GRIN2B: variants seen among roughly 807,000 people sequenced by gnomAD.
The protein encoded by GRIN2B is glutamate ionotropic receptor NMDA type subunit 2B, also known as glutamate receptor ionotropic, NMDA 2B.
GRIN2B carries 5 observed loss-of-function variants against 114.5 expected under a neutral mutation model. The observed-to-expected ratio is 0.04, with a 90% CI of 0.02 to 0.09. The LOEUF (loss-of-function observed/expected upper bound fraction) is 0.09. Among genes scored for constraint, GRIN2B ranks in the 10% least tolerant of loss-of-function variants. GRIN2B has a pLI of 1.00. For missense variants in GRIN2B, 1,108 were observed against 1,943.5 expected, an observed-to-expected ratio of 0.57 and a Z score of 8.08; for synonymous variants, 787 against 745.1, an observed-to-expected ratio of 1.06 and a Z score of -0.92.
At chr12:13,829,628 A>G (rs1865111783) in intron 3 of GRIN2B, among the ~76,000 whole-genome samples, 1 of 152,202 alleles carries the variant, frequency 6.6e-6, no homozygotes, top group Admixed American at 6.5e-5. Flanking sequence ...TTTGAGATTT[A>G]TCTTTATCCA....
intron 3 of GRIN2B, among the ~76,000 whole-genome samples, chr12:13,842,668 G>A (rs77995264): frequency 7.9e-5 from 12 of 152,296 alleles, no homozygotes; most frequent in Non-Finnish European, 1.6e-4. Context: ...ATAATTTGAT[G>A]AAATTATCAA....
In GRIN2B at chr12:13,561,615, A is replaced by G. The variant is rs1362688390; in HGVS notation, c.*1168T>C. 1 of 152,560 alleles carries G rather than the reference A, an allele frequency of 6.6e-6. No homozygotes were observed. Among genetic ancestry groups the G allele is most frequent in the African/African-American group, 2.4e-5 (1 of 41,418 alleles). The allele number at this position is 152,560 out of a possible 1,614,324, so 9.5% of individuals were successfully genotyped here. ...TCAAAGGTGGCTTCGTTCTTCCCCA[A>G]ACCTTGGCCAGTCGAGAGTCTAAAT... On this transcript the variant is annotated 3_prime_UTR_variant, in exon 14 of 14. Transcript: ENST00000609686.
intron 2 of GRIN2B, among the ~76,000 whole-genome samples, chr12:13,879,818 C>G (rs906488541): frequency 6.6e-6 from 1 of 152,242 alleles, no homozygotes; most frequent in East Asian, 1.9e-4. Flanking sequence ...GCAGGCCAGG[C>G]CAGAATCCAT....
At chr12:13,960,129 C>G (rs924881068) in intron 2 of GRIN2B, among the ~76,000 whole-genome samples, 2 of 152,104 alleles carry the variant, frequency 1.3e-5, no homozygotes, top group African/African-American at 4.8e-5. Context: ...CCCTGCTCCC[C>G]ACTCATGACA....
rs1491182910 is a variant in GRIN2B at position 13,808,752 on chromosome 12, A to ATAT, written c.412-54838_412-54837insATA. The stretch of plus-strand genomic sequence containing the variant: ...AGAACTTAAAGTATAATAAAAAAAA[A>ATAT]ATATATATATATATATATACATATA... On this transcript the variant is annotated intron_variant, in intron 3 of 13. Coordinates refer to ENST00000609686, the MANE Select transcript of GRIN2B (RefSeq NM_000834.5). Among the ~76,000 whole-genome samples the ATAT allele has an allele frequency of 5.9e-4, 65 of 109,898 alleles. 1 individual carries two copies. Among genetic ancestry groups the ATAT allele is most frequent in the African/African-American group, 1.6e-3 (53 of 34,040 alleles). 72.1% of individuals were successfully genotyped at this position (109,898 alleles called of 152,430 possible).
rs372655612 is a variant in GRIN2B at position 13,763,120 on chromosome 12, TA to T, written c.412-9206del. Among the ~76,000 whole-genome samples the T allele has an allele frequency of 4.5e-3, 653 of 144,584 alleles. 1 individual carries two copies. Among genetic ancestry groups the T allele is most frequent in the African/African-American group, 8.9e-3 (354 of 39,606 alleles). The allele number at this position is 144,584 out of a possible 152,430, so 94.9% of individuals were successfully genotyped here. On this transcript the variant is annotated intron_variant, in intron 3 of 13. Transcript: ENST00000609686. Reference sequence around the variant, plus strand: ...AAAATAAAATTGCACAGAGACAGATTAAAAAAAAAAAAATCTTCCAACAACT... The same window carrying T: ...AAAATAAAATTGCACAGAGACAGATTAAAAAAAAAAAATCTTCCAACAACT...
intron 4 of GRIN2B, among the ~76,000 whole-genome samples, chr12:13,680,706 T>G (rs1950122474): frequency 1.3e-5 from 2 of 152,176 alleles, no homozygotes; most frequent in South Asian, 4.1e-4. Context: ...GGACTGGAGC[T>G]TAAGTCTTCT....
chr12:13,833,049 G>C (rs181035120), intron 3 of GRIN2B, among the ~76,000 whole-genome samples: 2 of 152,316 alleles, frequency 1.3e-5, no homozygotes, highest in East Asian at 3.9e-4. Context: ...CTGTATACTG[G>C]ATGATATACA....
chr12:13,659,338 C>G (rs1191277342), intron 5 of GRIN2B, among the ~76,000 whole-genome samples: 1 of 152,170 alleles, frequency 6.6e-6, no homozygotes, highest in Non-Finnish European at 1.5e-5. Flanking sequence ...TCCACCTCTG[C>G]CATCACTCTC....
At position 13,559,659 on chromosome 12, in the gene GRIN2B, A is replaced by T. The variant is rs1466027049; in HGVS notation, c.*3124T>A. ...ATCATCTTTTCTAGAAAAGCATGCAAATTTGTAAGACACATATCCAGCACT... is the reference window on the plus strand; with the variant it reads ...ATCATCTTTTCTAGAAAAGCATGCATATTTGTAAGACACATATCCAGCACT... On this transcript the variant is annotated 3_prime_UTR_variant, in exon 14 of 14. Transcript: ENST00000609686. 1 of 152,198 alleles carries T rather than the reference A, an allele frequency of 6.6e-6. No homozygotes were observed. The highest frequency in any genetic ancestry group is 1.5e-5 in the Non-Finnish European group (1 of 68,042). 9.4% of individuals were successfully genotyped at this position (152,198 alleles called of 1,614,324 possible).
chr12:13,695,881 G>C (rs1053456729), intron 4 of GRIN2B, among the ~76,000 whole-genome samples: 2 of 152,154 alleles, frequency 1.3e-5, no homozygotes, highest in Admixed American at 6.5e-5. Context: ...ATTGCATGCT[G>C]GAGAATAATC....
In GRIN2B at chr12:13,866,056, C is replaced by T. The variant is rs1057522391; in HGVS notation, c.153G>A (p.Lys51=). The change falls in exon 3 of 14, where the codon AAG becomes AAA. Residue 51 remains lysine, a synonymous_variant. Transcript: ENST00000609686. ...GGAAATCATCTTTCTCGTGGGCATC[C>T]TTGATGGCCACCTCGTCGGAAGTGC... ...LVGTSDEVAI[K]DAHEKDDFHH... 22 of 1,613,936 alleles carry T rather than the reference C, an allele frequency of 1.4e-5. No homozygotes were observed. Among genetic ancestry groups the T allele is most frequent in the East Asian group, 2.2e-5 (1 of 44,860 alleles).
intron 3 of GRIN2B, among the ~76,000 whole-genome samples, chr12:13,793,488 C>T (rs1213229476): frequency 6.6e-6 from 1 of 152,070 alleles, no homozygotes; most frequent in Non-Finnish European, 1.5e-5. Context: ...ATGTGCTTAT[C>T]CTCTAACCAA....
chr12:13,718,221 A>G (rs528276980), intron 4 of GRIN2B, among the ~76,000 whole-genome samples: 1 of 152,156 alleles, frequency 6.6e-6, no homozygotes, highest in South Asian at 2.1e-4. Context: ...CTCCAGAAGA[A>G]CATGTGAGTT....
intron 5 of GRIN2B, among the ~76,000 whole-genome samples, chr12:13,645,935 A>C (rs933211238): frequency 1.3e-5 from 2 of 152,148 alleles, no homozygotes; most frequent in African/African-American, 4.8e-5. Flanking sequence ...AGTAAAGAGA[A>C]AGAGGTAAAT....
intron 4 of GRIN2B, among the ~76,000 whole-genome samples, chr12:13,746,164 T>A (rs2136621451): frequency 6.6e-6 from 1 of 152,270 alleles, no homozygotes; most frequent in Non-Finnish European, 1.5e-5. Context: ...GATCAGGGAA[T>A]GTCTCTCGAG....
At chr12:13,897,829 G>A (rs1405973905) in intron 2 of GRIN2B, among the ~76,000 whole-genome samples, 4 of 151,826 alleles carry the variant, frequency 2.6e-5, no homozygotes, top group African/African-American at 9.7e-5. Context: ...TGTTTTTATT[G>A]GGAAAGTCAT....
At chr12:13,872,454 C>CAAA (rs35373717) in intron 2 of GRIN2B, among the ~76,000 whole-genome samples, 25 of 124,334 alleles carry the variant, frequency 2.0e-4, no homozygotes, top group Admixed American at 4.7e-4. Flanking sequence ...GGCTCCGACT[C>CAAA]AAAAAAAAAA....
chr12:13,810,027 G>A (rs1397020770), intron 3 of GRIN2B, among the ~76,000 whole-genome samples: 1 of 152,060 alleles, frequency 6.6e-6, no homozygotes, highest in African/African-American at 2.4e-5. Flanking sequence ...TCTGCTTGCT[G>A]TTCTGAACCC....
Sources: allele counts gnomAD v4.1 joint callset (sites outside exome capture counted in the v4.1 genomes callset), GRCh38; gene constraint gnomAD v4.1.1; transcripts MANE v1.5; gene names NCBI Gene and HGNC (gene_info 2026-07-23, HGNC 2026-07-21).